Variants in MDN1 observed in about 807,000 individuals in gnomAD.
MDN1 encodes the protein midasin.
In MDN1, 266 loss-of-function variants were observed where a neutral mutation model predicts 669.2. The observed-to-expected ratio is 0.40, with a 90% confidence interval of 0.36 to 0.44. The LOEUF is 0.44. Ranked by LOEUF, MDN1 falls within the 20% of genes least tolerant of loss-of-function variation. The pLI, the probability that MDN1 is intolerant of heterozygous loss-of-function variation, is 1.00. For missense variants in MDN1, 5,940 were observed against 6,754.0 expected (o/e 0.88, Z 4.22); for synonymous variants, 2,385 against 2,457.1 (o/e 0.97, Z 0.87).
intron 84 of MDN1, among the ~76,000 whole-genome samples, chr6:89,666,151 A>G (rs1477971784): frequency 6.6e-6 from 1 of 152,244 alleles, no homozygotes. Context: ...ACTTTTTTCT[A>G]TGAATACACC....
At chr6:89,739,084 C>T (rs1450551769) in intron 32 of MDN1, among the ~76,000 whole-genome samples, 4 of 152,148 alleles carry the variant, frequency 2.6e-5, no homozygotes, top group Non-Finnish European at 5.9e-5. Flanking sequence ...AATTACTTTC[C>T]TTTTACTTGA....
rs1386052982 is a variant in MDN1 at position 89,700,516 on chromosome 6, A to G, written c.8638+130T>C. 2.3e-5 allele frequency: 20 copies of G among 854,108 alleles called. No individual in the cohort carries two copies. In the African/African-American group the frequency reaches 2.9e-4, roughly 13 times the overall value. 52.9% of individuals were successfully genotyped at this position (854,108 alleles called of 1,614,324 possible). On this transcript the variant is annotated intron_variant, in intron 56 of 101. Coordinates refer to ENST00000369393, the MANE Select transcript of MDN1 (RefSeq NM_014611.3). ...AAATTTAGTCCTATGCCTGACACTT[A>G]TATAAAGGTATATAAACTCTACCCC...
chr6:89,771,450 T>C lies in MDN1; in HGVS notation c.2144+111A>G. 4 of 909,294 alleles carry C rather than the reference T, an allele frequency of 4.4e-6. No individual in the cohort carries two copies. The South Asian group carries it at 6.5e-5, about 15-fold the overall frequency. The allele number at this position is 909,294 out of a possible 1,614,324, so 56.3% of individuals were successfully genotyped here. On this transcript the variant is annotated intron_variant, in intron 15 of 101. Coordinates refer to ENST00000369393, the MANE Select transcript of MDN1 (RefSeq NM_014611.3). ...AAGCCTTATCTGAGAAAACTCTTTT[T>C]CTATTGCATCGAGCATCCTAGAACC...
chr6:89,663,655 C>T (rs981141817), intron 85 of MDN1, among the ~76,000 whole-genome samples: 1 of 152,066 alleles, frequency 6.6e-6, no homozygotes, highest in Admixed American at 6.6e-5. Context: ...AAAAAGCAGG[C>T]CCAGTGCGGT....
intron 31 of MDN1, among the ~76,000 whole-genome samples, chr6:89,742,414 TAAAC>T (rs1464964466): frequency 7.4e-6 from 1 of 135,896 alleles, no homozygotes; most frequent in Non-Finnish European, 1.5e-5. Flanking sequence ...TCTAAAAAAA[TAAAC>T]AAACAAACCC....
intron 54 of MDN1, 75 bp from the exon 55 acceptor site, chr6:89,701,753 TTTTCTTTC>T (rs552168853): frequency 6.5e-7 from 1 of 1,542,088 alleles, no homozygotes; most frequent in South Asian, 1.2e-5. Context: ...GCCATTAATA[TTTTCTTTC>T]TTTCTTTCTT....
At chr6:89,744,821 T>G (rs1340064839) in intron 29 of MDN1, among the ~76,000 whole-genome samples, 1 of 150,066 alleles carries the variant, frequency 6.7e-6, no homozygotes, top group Admixed American at 6.6e-5. Context: ...AAGTCAAGGC[T>G]GCAGTGAGCC....
intron 8 of MDN1, among the ~76,000 whole-genome samples, chr6:89,786,436 TAATAATAAA>T (rs1478818100): frequency 6.6e-6 from 1 of 151,120 alleles, no homozygotes; most frequent in African/African-American, 2.4e-5. Flanking sequence ...AAAATAATAA[TAATAATAAA>T]AAAAATTTGT....
rs752768560 is a variant in MDN1 at position 89,688,134 on chromosome 6, A to C, written c.11299T>G (p.Ser3767Ala). 4 of 1,614,054 alleles carry C rather than the reference A, an allele frequency of 2.5e-6. No individual in the cohort carries two copies. The highest frequency in any genetic ancestry group is 3.4e-6 in the Non-Finnish European group (4 of 1,180,014). Reference protein sequence around the residue: ...VMDRIRSFPLSSPISKFLNGL... With the variant: ...VMDRIRSFPLASPISKFLNGL... ...TTCAGGAACTTTGAGATGGGACTGGAAAGTGGGAAACTACGAATTCTGTCC... is the reference window on the plus strand; with the variant it reads ...TTCAGGAACTTTGAGATGGGACTGGCAAGTGGGAAACTACGAATTCTGTCC... The change falls in exon 67 of 102, where the codon TCC becomes GCC. Residue 3767 changes from serine (S) to alanine (A), a missense_variant. By Grantham distance (99) the Ser-to-Ala change is moderately conservative. Coordinates refer to ENST00000369393, the MANE Select transcript of MDN1 (RefSeq NM_014611.3).
At chr6:89,802,884 T>C (rs1767759365) in intron 2 of MDN1, among the ~76,000 whole-genome samples, 1 of 152,352 alleles carries the variant, frequency 6.6e-6, no homozygotes, top group Non-Finnish European at 1.5e-5. Context: ...CTAACACAGC[T>C]CTTAGTATAC....
intron 5 of MDN1, among the ~76,000 whole-genome samples, chr6:89,792,083 T>C (rs982045995): frequency 1.5e-4 from 23 of 151,910 alleles, no homozygotes; most frequent in African/African-American, 5.6e-4. Context: ...TTAGCCAGGA[T>C]GGTCTCGATC....
At chr6:89,807,949 G>T (rs920036526) in intron 1 of MDN1, among the ~76,000 whole-genome samples, 1 of 151,554 alleles carries the variant, frequency 6.6e-6, no homozygotes, top group Non-Finnish European at 1.5e-5. Context: ...TTATGTTTCC[G>T]AAACTTCAAG....
chr6:89,737,562 C>A (rs1441965151), intron 33 of MDN1, among the ~76,000 whole-genome samples: 1 of 151,736 alleles, frequency 6.6e-6, no homozygotes, highest in Non-Finnish European at 1.5e-5. Flanking sequence ...AGGAGTGTTG[C>A]CTTTTATTGG....
rs766543433 is a variant in MDN1 at position 89,658,322 on chromosome 6, C to A, written c.15070G>T (p.Ala5024Ser). 10 of 1,614,032 alleles carry A rather than the reference C, an allele frequency of 6.2e-6. No individual in the cohort carries two copies. In the African/African-American group the frequency reaches 1.2e-4, roughly 19 times the overall value. Residue 5024 changes from alanine (A) to serine (S), a missense_variant, in exon 90 of 102, where the codon GCT becomes TCT. Coordinates refer to ENST00000369393, the MANE Select transcript of MDN1 (RefSeq NM_014611.3). ...GAGGCATGCTCCTTCCTCTCCAAAG[C>A]CTCTGGCACCTGCTCCTCTGTATCA... ...DSDTEEQVPE[A>S]LERKEHASCG...
chr6:89,712,906 A>G (rs557213786), intron 47 of MDN1, 120 bp from the exon 48 acceptor site: 5 of 927,866 alleles, frequency 5.4e-6, no homozygotes, highest in Non-Finnish European at 8.1e-6. Context: ...ACACTCTTCA[A>G]TGAAAAACAC....
intron 93 of MDN1, among the ~76,000 whole-genome samples, chr6:89,653,561 G>A (rs1809035530): frequency 6.6e-6 from 1 of 152,364 alleles, no homozygotes; most frequent in East Asian, 1.9e-4. Context: ...CTTGTGAGGT[G>A]AGAGGCAAAG....
chr6:89,688,934 C>T (rs1318470017), intron 65 of MDN1, 126 bp from the exon 66 acceptor site: 3 of 743,072 alleles, frequency 4.0e-6, no homozygotes, highest in Non-Finnish European at 6.7e-6. Context: ...CTTTGGGGAG[C>T]CGAGGCAGGC....
rs1333473295 is a variant in MDN1 at position 89,654,234 on chromosome 6, C to G, written c.15591G>C (p.Glu5197Asp). 1 of 1,614,240 alleles carries G rather than the reference C, an allele frequency of 6.2e-7. No homozygotes were observed. Among genetic ancestry groups the G allele is most frequent in the South Asian group, 1.1e-5 (1 of 91,086 alleles). ...GCTCCACGTCTGCTGCTTTGAACTC[C>G]TCCTGCTCCTCTGTGTCCATAAGGG... ...EDTLMDTEEQEEFKAADVEQL... is the reference protein window; with the variant it reads ...EDTLMDTEEQDEFKAADVEQL... The change falls in exon 93 of 102, where the codon GAG becomes GAC. Residue 5197 changes from glutamate (E) to aspartate (D), a missense_variant. Transcript: ENST00000369393.
At chr6:89,762,834 C>T (rs2128321067) in intron 15 of MDN1, among the ~76,000 whole-genome samples, 1 of 152,284 alleles carries the variant, frequency 6.6e-6, no homozygotes, top group Non-Finnish European at 1.5e-5. Flanking sequence ...GTGGCCAGAT[C>T]ACTTGAGCCC....
Sources: allele counts gnomAD v4.1 joint callset (sites outside exome capture counted in the v4.1 genomes callset), GRCh38; gene constraint gnomAD v4.1.1; transcripts MANE v1.5; gene names NCBI Gene and HGNC (gene_info 2026-07-23, HGNC 2026-07-21).